YTHDF3: variants seen among roughly 807,000 people sequenced by gnomAD.
YTHDF3 encodes the protein YTH N6-methyladenosine RNA binding protein F3, also known as YTH domain-containing family protein 3.
Under a neutral mutation model 52.5 loss-of-function variants are expected in YTHDF3, and 9 were observed. The observed-to-expected ratio is 0.17, with a 90% confidence interval of 0.10 to 0.30. YTHDF3 has a LOEUF of 0.30. Among genes scored for constraint, YTHDF3 ranks in the 10% least tolerant of loss-of-function variants. The pLI, the probability that YTHDF3 is intolerant of heterozygous loss-of-function variation, is 1.00. For synonymous variants in YTHDF3, 274 were observed against 243.3 expected (o/e 1.13, Z -1.18); for missense variants, 534 against 715.0 (o/e 0.75, Z 2.89).
At chr8:63,183,155 T>G (rs1202794789) in intron 3 of YTHDF3, among the ~76,000 whole-genome samples, 1 of 152,086 alleles carries the variant, frequency 6.6e-6, no homozygotes, top group Non-Finnish European at 1.5e-5. Context: ...GAGATGGGGT[T>G]TCACCATTTT....
At chr8:63,205,981 A>G (rs948217171) in intron 4 of YTHDF3, among the ~76,000 whole-genome samples, 1 of 151,866 alleles carries the variant, frequency 6.6e-6, no homozygotes, top group Non-Finnish European at 1.5e-5. Context: ...TTCCATCTGG[A>G]CCCTTTTCTC....
Position 63,187,716 on chromosome 8 carries a change from C to T in YTHDF3, c.1705C>T (p.Arg569Cys), listed in dbSNP as rs1808615771. 6.2e-7 allele frequency: 1 copy of T among 1,609,098 alleles called. No individual in the cohort carries two copies. The highest frequency in any genetic ancestry group is 8.5e-7 in the Non-Finnish European group (1 of 1,177,482). ...IFDDFAHYEK[R>C]QEEEEAMRRE... is the part of the protein sequence containing the mutation. ...TGATGACTTTGCACATTATGAAAAG[C>T]GTCAAGAAGAGGAGGAAGCCATGCG... Residue 569 changes from arginine to cysteine, a missense_variant, in exon 4 of 5, where the codon CGT becomes TGT. This residue lies in a region of YTHDF3 where 135 missense variants were observed against 214.2 expected (regional missense o/e 0.63). Coordinates refer to ENST00000539294, the MANE Select transcript of YTHDF3 (RefSeq NM_152758.6).
chr8:63,187,001 G>A lies in YTHDF3; in HGVS notation c.990G>A (p.Gln330=), dbSNP rs1460832186. ...AGCCTCAACCACCACAACCACAGCA[G>A]CAACAAGGACCTCAGCCACAGGCCC... The part of the protein sequence containing the change: ...QQQPQPPQPQ[Q]QQGPQPQAQP... The change falls in exon 4 of 5, where the codon CAG becomes CAA. Residue 330 remains glutamine, a synonymous_variant. Coordinates refer to ENST00000539294, the MANE Select transcript of YTHDF3 (RefSeq NM_152758.6). 1.9e-6 allele frequency: 3 copies of A among 1,613,412 alleles called. No individual in the cohort carries two copies. The highest frequency in any genetic ancestry group is 2.5e-6 in the Non-Finnish European group (3 of 1,179,654).
chr8:63,168,873 G>C lies in YTHDF3; in HGVS notation c.-5G>C. On this transcript the variant is annotated 5_prime_UTR_variant, in exon 1 of 5. Coordinates refer to ENST00000539294, the MANE Select transcript of YTHDF3 (RefSeq NM_152758.6). Reference sequence around the variant, plus strand: ...GCGGCGGCGGCTCTCGGGTTGCGGTGAAGAATGTCAGCCACTAGCGTGGAT... The same window carrying C: ...GCGGCGGCGGCTCTCGGGTTGCGGTCAAGAATGTCAGCCACTAGCGTGGAT... 6.4e-7 allele frequency: 1 copy of C among 1,554,832 alleles called. No homozygotes were observed. The highest frequency in any genetic ancestry group is 8.7e-7 in the Non-Finnish European group (1 of 1,149,404).
chr8:63,172,161 A>G (rs1807368557), intron 2 of YTHDF3, among the ~76,000 whole-genome samples: 1 of 152,224 alleles, frequency 6.6e-6, no homozygotes, highest in South Asian at 2.1e-4. Flanking sequence ...AAATTTAAGG[A>G]TAATTATTTG....
chr8:63,186,093 T>C (rs1808480130), intron 3 of YTHDF3, 54 bp from the exon 4 acceptor site: 1 of 1,491,266 alleles, frequency 6.7e-7, no homozygotes, highest in Non-Finnish European at 9.0e-7. Context: ...AGATTTCTTT[T>C]TTTGCTCTTT....
intron 4 of YTHDF3, among the ~76,000 whole-genome samples, chr8:63,205,079 A>G (rs531699153): frequency 2.4e-4 from 36 of 152,152 alleles, no homozygotes; most frequent in African/African-American, 8.4e-4. Flanking sequence ...GCTCATTTCC[A>G]TATGACAAAT....
At chr8:63,189,402 A>C (rs1459415717) in intron 4 of YTHDF3, among the ~76,000 whole-genome samples, 1 of 152,166 alleles carries the variant, frequency 6.6e-6, no homozygotes, top group Non-Finnish European at 1.5e-5. Flanking sequence ...GATACATTTA[A>C]ATTTCTTTTG....
chr8:63,173,871 A>C (rs146220282), intron 2 of YTHDF3, among the ~76,000 whole-genome samples: 2 of 152,204 alleles, frequency 1.3e-5, no homozygotes. Context: ...TAGTGGAGCC[A>C]GGATCAAGTT....
chr8:63,209,878 T>C lies in YTHDF3; in HGVS notation c.*172T>C. On this transcript the variant is annotated 3_prime_UTR_variant, in exon 5 of 5. Coordinates refer to ENST00000539294, the MANE Select transcript of YTHDF3 (RefSeq NM_152758.6). ...TGGTTTTCATCAGCGCATCTGCCCT[T>C]ATACTCTTCACCAAACACACTTGAG... 1.7e-6 allele frequency: 1 copy of C among 599,440 alleles called. No homozygotes were observed. The allele number at this position is 599,440 out of a possible 1,614,324, so 37.1% of individuals were successfully genotyped here.
At position 63,187,383 on chromosome 8, in the gene YTHDF3, A is replaced by G; in HGVS notation, c.1372A>G (p.Lys458Glu). The G allele has an allele frequency of 1.2e-6, 2 of 1,614,020 alleles. No homozygotes were observed. The highest frequency in any genetic ancestry group is 1.7e-6 in the Non-Finnish European group (2 of 1,179,902). Residue 458 changes from lysine (K) to glutamate (E), a missense_variant, in exon 4 of 5, where the codon AAA becomes GAA. Around this residue, in one of 3 missense-constraint regions of YTHDF3, gnomAD observed 135 missense variants for 214.2 expected, o/e 0.63. Transcript: ENST00000539294. The stretch of plus-strand genomic sequence containing the variant: ...TGCAGCTTACCGTTCCCTGAATGGG[A>G]AAGGCCCACTCTATTTACTCTTCAG... ...LDAAYRSLNG[K>E]GPLYLLFSVN...
At position 63,212,675 on chromosome 8, in the gene YTHDF3, G is replaced by C. The variant is rs561395089; in HGVS notation, c.*2969G>C. On this transcript the variant is annotated 3_prime_UTR_variant, in exon 5 of 5. Coordinates refer to ENST00000539294, the MANE Select transcript of YTHDF3 (RefSeq NM_152758.6). ...TTTGAATTTTGTCGTGTTTGGGTTT[G>C]TTCATTCCTGTGAATGATGGTACAG... is the stretch of plus-strand genomic sequence containing the variant. 2.0e-5 allele frequency: 3 copies of C among 152,650 alleles called. No homozygotes were observed. The highest frequency in any genetic ancestry group is 2.9e-5 in the Non-Finnish European group (2 of 68,000). The allele number at this position is 152,650 out of a possible 1,614,324, so 9.5% of individuals were successfully genotyped here.
chr8:63,193,203 C>T (rs916335628), intron 4 of YTHDF3, among the ~76,000 whole-genome samples: 5 of 151,874 alleles, frequency 3.3e-5, no homozygotes, highest in African/African-American at 1.2e-4. Context: ...CATGGTGAAA[C>T]TCTGTCTCTA....
At position 63,186,312 on chromosome 8, in the gene YTHDF3, A is replaced by G; in HGVS notation, c.301A>G (p.Ile101Val). 1 of 1,614,060 alleles carries G rather than the reference A, an allele frequency of 6.2e-7. No homozygotes were observed. The change falls in exon 4 of 5, where the codon ATA becomes GTA. Residue 101 changes from isoleucine to valine, a missense_variant. Transcript: ENST00000539294. ...AATGAGTAATGGAGAACATCACTATATACCAGATGGTGTATTTAGTCAACC... is the reference window on the plus strand; with the variant it reads ...AATGAGTAATGGAGAACATCACTATGTACCAGATGGTGTATTTAGTCAACC... ...GQMSNGEHHY[I>V]PDGVFSQPGA...
intron 2 of YTHDF3, among the ~76,000 whole-genome samples, chr8:63,170,646 A>G (rs1443143612): frequency 6.6e-6 from 1 of 152,118 alleles, no homozygotes; most frequent in African/African-American, 2.4e-5. Flanking sequence ...TGATCCATTA[A>G]TTTCTTCTTT....
chr8:63,181,608 C>G (rs1172206077), intron 3 of YTHDF3, among the ~76,000 whole-genome samples: 1 of 152,208 alleles, frequency 6.6e-6, no homozygotes, highest in Non-Finnish European at 1.5e-5. Context: ...TTCTGATTTT[C>G]CAGTTACTTA....
intron 3 of YTHDF3, among the ~76,000 whole-genome samples, chr8:63,177,525 T>TTATGGCAG (rs954577501): frequency 6.6e-6 from 1 of 152,224 alleles, no homozygotes; most frequent in Non-Finnish European, 1.5e-5. Context: ...CAGTTAACGC[T>TTATGGCAG]TATGGCAGTA....
intron 4 of YTHDF3, among the ~76,000 whole-genome samples, chr8:63,199,875 T>G (rs1396747848): frequency 1.3e-5 from 2 of 152,216 alleles, no homozygotes; most frequent in African/African-American, 4.8e-5. Flanking sequence ...TTCTCTGTAC[T>G]TTGGCCTTTG....
At position 63,191,911 on chromosome 8, in the gene YTHDF3, G is replaced by A. The variant is rs528384786; in HGVS notation, c.1734+4166G>A. ...GTGTCTATTCCATTCATCCTTTGAA[G>A]GATATTTGGGATGTTTTCCTTTTGG... is the stretch of plus-strand genomic sequence containing the variant. On this transcript the variant is annotated intron_variant, in intron 4 of 4. Transcript: ENST00000539294. Among the ~76,000 whole-genome samples the A allele has an allele frequency of 8.6e-5, 13 of 151,400 alleles. No individual in the cohort carries two copies. In the East Asian group the frequency reaches 2.5e-3, roughly 29 times the overall value.
Sources: allele counts gnomAD v4.1 joint callset (sites outside exome capture counted in the v4.1 genomes callset), GRCh38; gene constraint gnomAD v4.1.1; regional missense constraint gnomAD v4.1.1; transcripts MANE v1.5; gene names NCBI Gene and HGNC (gene_info 2026-07-23, HGNC 2026-07-21).